SH3BGR: variants seen among roughly 807,000 people sequenced by gnomAD.
SH3BGR encodes the protein SH3 domain-binding glutamic acid-rich protein.
SH3BGR carries 29 observed loss-of-function variants against 24.5 expected under a neutral mutation model. The ratio of observed to expected loss-of-function variants is 1.18; its 90% CI spans 0.88 to 1.61. The LOEUF (loss-of-function observed/expected upper bound fraction) is 1.61, where lower values mean the gene tolerates loss of function less well. SH3BGR is among the 40% of genes most tolerant of loss of function. The pLI is 0.00. For missense variants in SH3BGR, 162 were observed against 205.8 expected, an observed-to-expected ratio of 0.79 and a Z score of 1.30; for synonymous variants, 55 against 65.7, an observed-to-expected ratio of 0.84 and a Z score of 0.79.
rs140286848 is a variant in SH3BGR at position 39,499,338 on chromosome 21, G to A, written c.313-485G>A. On this transcript the variant is annotated intron_variant, in intron 3 of 6. Transcript: ENST00000333634. ...CATCCATCCATTCCTCCGTCTGTCT[G>A]TCTGTCTCTGAACATTATCCATCCA... 2.1e-3 allele frequency among the ~76,000 whole-genome samples: 316 copies of A among 151,744 alleles called. 2 individuals are homozygous for A. Among genetic ancestry groups the A allele is most frequent in the African/African-American group, 7.0e-3 (290 of 41,420 alleles).
At chr21:39,453,915 T>C (rs2077613826) in intron 1 of SH3BGR, among the ~76,000 whole-genome samples, 1 of 152,266 alleles carries the variant, frequency 6.6e-6, no homozygotes, top group Non-Finnish European at 1.5e-5. Context: ...ACTTACTAGC[T>C]GCTATTAGTT....
At chr21:39,492,485 C>T (rs1435140404) in intron 3 of SH3BGR, among the ~76,000 whole-genome samples, 10,518 of 69,810 alleles carry the variant, frequency 0.15, 968 homozygotes, top group African/African-American at 0.26. Context: ...TATATATACA[C>T]ACACACACAC....
intron 3 of SH3BGR, among the ~76,000 whole-genome samples, chr21:39,487,580 G>A (rs1479911440): frequency 3.9e-5 from 6 of 152,178 alleles, no homozygotes; most frequent in African/African-American, 1.4e-4. Flanking sequence ...CATTCCAACA[G>A]CCAGACAAAC....
At position 39,489,800 on chromosome 21, in the gene SH3BGR, A is replaced by G. The variant is rs149656347; in HGVS notation, c.313-10023A>G. ...CAGAAGCTTCAGTCAGGGAGCTCCC[A>G]GGTGAACCTAATGTTTTATCAATGT... On this transcript the variant is annotated intron_variant, in intron 3 of 6. Transcript: ENST00000333634. Among the ~76,000 whole-genome samples, 529 of 152,358 alleles carry G rather than the reference A, an allele frequency of 3.5e-3. 4 individuals are homozygous for G. The highest frequency in any genetic ancestry group is 0.012 in the African/African-American group (498 of 41,572).
upstream of SH3BGR, among the ~76,000 whole-genome samples, chr21:39,447,416 C>CTTTTTTTT (rs910615975): frequency 5.2e-5 from 6 of 114,704 alleles, no homozygotes; most frequent in Non-Finnish European, 8.8e-5. Context: ...TTCGCTTTTG[C>CTTTTTTTT]TTTTTTTTTT....
At chr21:39,490,382 A>G (rs1212105779) in intron 3 of SH3BGR, among the ~76,000 whole-genome samples, 1 of 152,214 alleles carries the variant, frequency 6.6e-6, no homozygotes, top group African/African-American at 2.4e-5. Flanking sequence ...GGAAGAAAAG[A>G]GACGATCCGT....
chr21:39,494,113 T>C (rs1399321115), intron 3 of SH3BGR, among the ~76,000 whole-genome samples: 5 of 152,182 alleles, frequency 3.3e-5, no homozygotes, highest in African/African-American at 1.2e-4. Flanking sequence ...TGTAGAAACA[T>C]TGCCATCATA....
intron 2 of SH3BGR, among the ~76,000 whole-genome samples, chr21:39,464,646 G>C (rs1602086640): frequency 1.3e-5 from 2 of 152,210 alleles, no homozygotes; most frequent in Non-Finnish European, 2.9e-5. Context: ...TTAACCAAAA[G>C]TCCTGTGGGT....
intron 1 of SH3BGR, among the ~76,000 whole-genome samples, chr21:39,460,258 C>T (rs1273939973): frequency 6.6e-6 from 1 of 152,038 alleles, no homozygotes. Flanking sequence ...GAAACATCCT[C>T]CAGCTTTTTC....
At chr21:39,503,853 A>C (rs2078538058) in intron 4 of SH3BGR, among the ~76,000 whole-genome samples, 2 of 152,200 alleles carry the variant, frequency 1.3e-5, no homozygotes, top group Admixed American at 1.3e-4. Flanking sequence ...AAAGACCATG[A>C]CTTCATGCCT....
chr21:39,491,751 C>A, intron 3 of SH3BGR: 2 of 221,232 alleles, frequency 9.0e-6, no homozygotes, highest in South Asian at 1.6e-4. Flanking sequence ...ATGTCCCTGA[C>A]TGCTGTGGCC....
At chr21:39,447,318 G>A (rs552909374), upstream of SH3BGR, among the ~76,000 whole-genome samples, 1 of 151,880 alleles carries the variant, frequency 6.6e-6, no homozygotes, top group South Asian at 2.1e-4. Context: ...AGTTTCCTGA[G>A]AATGGTTTCC....
intron 2 of SH3BGR, among the ~76,000 whole-genome samples, chr21:39,468,064 T>C (rs1391192064): frequency 1.3e-5 from 2 of 152,190 alleles, no homozygotes; most frequent in Non-Finnish European, 2.9e-5. Flanking sequence ...AGTGCCTGCC[T>C]GGGACCAAGA....
In SH3BGR at chr21:39,510,909, CTATATATATATA is replaced by C. The variant is rs61692072; in HGVS notation, c.436-744_436-733del. Among the ~76,000 whole-genome samples, 159 of 65,864 alleles carry C rather than the reference CTATATATATATA, an allele frequency of 2.4e-3. 3 individuals carry two copies. The highest frequency in any genetic ancestry group is 0.014 in the South Asian group (19 of 1,368). The allele number at this position is 65,864 out of a possible 152,430, so 43.2% of individuals were successfully genotyped here. A position where few individuals can be genotyped will look rare whatever the true frequency, so the allele number is the denominator to read the frequency against. ...TTCTTTTTGTATTTGATTCTTCTAA[CTATATATATATA>C]TATATATATATATATATATATATAT... On this transcript the variant is annotated intron_variant, in intron 5 of 6. Transcript: ENST00000333634.
intron 4 of SH3BGR, among the ~76,000 whole-genome samples, chr21:39,504,226 T>C (rs753037826): frequency 7.2e-5 from 11 of 152,208 alleles, no homozygotes; most frequent in Non-Finnish European, 1.6e-4. Context: ...CTTCCTCCAA[T>C]AGCAGTCTTG....
In SH3BGR at chr21:39,509,032, G is replaced by T. The variant is rs777198580; in HGVS notation, c.435+5G>T. Reference sequence around the variant, plus strand: ...GGAGAGACAGCCACAGAAGAGGTACGGTCGACCATCTTTAACAGCTGTGCT... The same window carrying T: ...GGAGAGACAGCCACAGAAGAGGTACTGTCGACCATCTTTAACAGCTGTGCT... On this transcript the variant is annotated splice_donor_5th_base_variant and intron_variant, in intron 5 of 6. Coordinates refer to ENST00000333634, the MANE Select transcript of SH3BGR (RefSeq NM_007341.3). The T allele has an allele frequency of 2.5e-6, 4 of 1,607,006 alleles. No homozygotes were observed. The highest frequency in any genetic ancestry group is 3.4e-6 in the Non-Finnish European group (4 of 1,175,778).
At chr21:39,476,115 T>G (rs76438424) in intron 3 of SH3BGR, among the ~76,000 whole-genome samples, 1 of 151,030 alleles carries the variant, frequency 6.6e-6, no homozygotes, top group African/African-American at 2.4e-5. Context: ...GAGACCAGAG[T>G]GGGGGTGGAG....
chr21:39,503,651 A>G (rs997078392), intron 4 of SH3BGR, among the ~76,000 whole-genome samples: 4 of 152,226 alleles, frequency 2.6e-5, no homozygotes, highest in African/African-American at 9.6e-5. Flanking sequence ...ATATTTACCT[A>G]ATGTTTGACA....
At chr21:39,453,982 A>G (rs1331275462) in intron 1 of SH3BGR, among the ~76,000 whole-genome samples, 1 of 152,188 alleles carries the variant, frequency 6.6e-6, no homozygotes, top group African/African-American at 2.4e-5. Context: ...ATTAATTAGG[A>G]TTTCAGTTAC....
Sources: gnomAD v4.1 joint callset for allele counts (sites outside exome capture counted in the v4.1 genomes callset) on GRCh38, gnomAD v4.1.1 for gene constraint, MANE v1.5 for transcripts, NCBI Gene and HGNC (gene_info 2026-07-23, HGNC 2026-07-21) for gene names.